The following IQGAP2 variants were observed in gnomAD, a reference collection of about 807,000 sequenced individuals.
The protein encoded by IQGAP2 is ras GTPase-activating-like protein IQGAP2.
IQGAP2 carries 173 observed loss-of-function variants against 201.3 expected under a neutral mutation model. That is an observed-to-expected ratio of 0.86 (90% confidence interval 0.76 to 0.98). The LOEUF (loss-of-function observed/expected upper bound fraction) is 0.98. Ranked by LOEUF, IQGAP2 falls within the 50% of genes least tolerant of loss-of-function variation. The pLI is 0.00. For missense variants in IQGAP2, 1,687 were observed against 1,864.8 expected (o/e 0.90, Z 1.76); for synonymous variants, 675 against 673.9 (o/e 1.00, Z -0.03).
At chr5:76,553,202 C>T (rs561814337) in intron 2 of IQGAP2, among the ~76,000 whole-genome samples, 1 of 152,030 alleles carries the variant, frequency 6.6e-6, no homozygotes, top group East Asian at 1.9e-4. Context: ...GATGCTTTTA[C>T]TGCCTGTTGA....
chr5:76,655,413 T>C (rs922641323), intron 20 of IQGAP2, among the ~76,000 whole-genome samples: 1 of 152,108 alleles, frequency 6.6e-6, no homozygotes, highest in Non-Finnish European at 1.5e-5. Context: ...TTCCTACAAT[T>C]TCATTTTGAA....
intron 19 of IQGAP2, 52 bp downstream of exon 19, chr5:76,654,323 A>G (rs1014565704): frequency 8.6e-7 from 1 of 1,159,912 alleles, no homozygotes; most frequent in Non-Finnish European, 1.3e-6. Flanking sequence ...ACCTAAATGA[A>G]TGCTTTATTG....
chr5:76,676,077 TCACACACACACACA>T (rs34099080), intron 27 of IQGAP2, among the ~76,000 whole-genome samples: 152 of 135,668 alleles, frequency 1.1e-3, no homozygotes, highest in African/African-American at 3.4e-3. Flanking sequence ...TAAGACTCTG[TCACACACACACACA>T]CACACACACA....
chr5:76,699,565 G>C (rs1268354371), intron 33 of IQGAP2: 1 of 143,894 alleles, frequency 6.9e-6, no homozygotes, highest in African/African-American at 2.6e-5. Context: ...GCTCCCACTA[G>C]TCCTGAATTT....
At chr5:76,678,166 C>T (rs1381153223) in intron 28 of IQGAP2, among the ~76,000 whole-genome samples, 2 of 152,048 alleles carry the variant, frequency 1.3e-5, no homozygotes, top group Non-Finnish European at 2.9e-5. Flanking sequence ...ACAGGCTACG[C>T]AACGAAAACA....
At chr5:76,540,171 G>C (rs1456528707) in intron 2 of IQGAP2, among the ~76,000 whole-genome samples, 1 of 152,182 alleles carries the variant, frequency 6.6e-6, no homozygotes, top group African/African-American at 2.4e-5. Context: ...TTGACTTGCT[G>C]CTTCCTCTTC....
intron 2 of IQGAP2, among the ~76,000 whole-genome samples, chr5:76,499,470 C>G (rs1757159524): frequency 1.3e-5 from 2 of 152,208 alleles, no homozygotes; most frequent in East Asian, 1.9e-4. Flanking sequence ...ATACCATCAC[C>G]TCCCTACTTG....
At chr5:76,651,182 T>C (rs1752489672) in intron 17 of IQGAP2, among the ~76,000 whole-genome samples, 1 of 152,192 alleles carries the variant, frequency 6.6e-6, no homozygotes, top group Non-Finnish European at 1.5e-5. Flanking sequence ...AGTTTTGACA[T>C]TTTTTATGGA....
intron 27 of IQGAP2, among the ~76,000 whole-genome samples, chr5:76,676,605 T>C (rs1280028272): frequency 6.6e-6 from 1 of 152,262 alleles, no homozygotes; most frequent in African/African-American, 2.4e-5. Context: ...CTGTCAAAAC[T>C]TGCTTTAGCT....
At chr5:76,703,526 A>G (rs1580868210) in intron 35 of IQGAP2, among the ~76,000 whole-genome samples, 1 of 152,060 alleles carries the variant, frequency 6.6e-6, no homozygotes, top group East Asian at 1.9e-4. Flanking sequence ...AATGAAAGGC[A>G]TTATGCAAAA....
chr5:76,606,421 C>T (rs571394654), intron 12 of IQGAP2, 118 bp downstream of exon 12: 119 of 672,256 alleles, frequency 1.8e-4, no homozygotes, highest in Admixed American at 1.1e-3. Context: ...GAGCAAACTC[C>T]GCTAATATGC....
rs1474351450 is a variant in IQGAP2, at chr5:76,631,915, AT to A, written c.1673del (p.Leu558CysfsTer4). The A allele has an allele frequency of 6.2e-7, 1 of 1,611,178 alleles. No homozygotes were observed. Among genetic ancestry groups the A allele is most frequent in the East Asian group, 2.2e-5 (1 of 44,754 alleles). ...QCLEGKKSSD[I>X]LSVLKSSTSN... is the part of the protein sequence containing the mutation. ...TTTGGAAGGAAAAAAATCAAGTGAT[AT>A]TTTGTCTGTATTGAAGTCTTCCACT... On this transcript the variant is annotated frameshift_variant, in exon 15 of 36. Coordinates refer to ENST00000274364, the MANE Select transcript of IQGAP2 (RefSeq NM_006633.5). LOFTEE classifies it high-confidence loss of function.
rs114988314 is a variant in IQGAP2 at position 76,597,271 on chromosome 5, A to G, written c.908-168A>G. The G allele has an allele frequency of 8.1e-4, 517 of 635,802 alleles. 3 individuals are homozygous for G. The African/African-American group carries it at 8.4e-3, about 10-fold the overall frequency. 39.4% of individuals were successfully genotyped at this position (635,802 alleles called of 1,614,324 possible). On this transcript the variant is annotated intron_variant, in intron 9 of 35. Coordinates refer to ENST00000274364, the MANE Select transcript of IQGAP2 (RefSeq NM_006633.5). Reference sequence around the variant, plus strand: ...TAATTCCAAAGATTGGATTAGTTTGAATTACTGAGATAACATTTTCAAAGC... The same window carrying G: ...TAATTCCAAAGATTGGATTAGTTTGGATTACTGAGATAACATTTTCAAAGC...
chr5:76,652,777 A>G lies in IQGAP2; in HGVS notation c.2122A>G (p.Lys708Glu). 6.2e-7 allele frequency: 1 copy of G among 1,611,530 alleles called. No homozygotes were observed. Among genetic ancestry groups the G allele is most frequent in the Non-Finnish European group, 8.5e-7 (1 of 1,177,562 alleles). The change falls in exon 18 of 36, where the codon AAG becomes GAG. Residue 708 changes from lysine to glutamate, a missense_variant. Physicochemically the swap from Lys to Glu is moderately conservative, Grantham distance 56. Transcript: ENST00000274364. Reference protein sequence around the residue: ...QAFWKGYKQRKEYMHRRQTFI... With the variant: ...QAFWKGYKQREEYMHRRQTFI... The stretch of plus-strand genomic sequence containing the variant: ...TTTTTGGAAAGGATATAAACAACGG[A>G]AGGAGTATATGCACAGGCGGCAAAC...
At chr5:76,534,355 C>T (rs10043064) in intron 2 of IQGAP2, among the ~76,000 whole-genome samples, 80,458 of 151,988 alleles carry the variant, frequency 0.53, 22,118 homozygotes, top group South Asian at 0.74. Context: ...AGAAAGCCCC[C>T]TGTAGGAGTG....
At position 76,588,980 on chromosome 5, in the gene IQGAP2, C is replaced by T. The variant is rs1433466906; in HGVS notation, c.526+7C>T. 1 of 1,582,354 alleles carries T rather than the reference C, an allele frequency of 6.3e-7. No individual in the cohort carries two copies. Among genetic ancestry groups the T allele is most frequent in the South Asian group, 1.1e-5 (1 of 90,088 alleles). ...GGCAAAGTAGACTTCACAGGTACTA[C>T]TCTTTATCTTTGTAATTTTTTACAA... On this transcript the variant is annotated splice_region_variant and intron_variant, in intron 6 of 35. Transcript: ENST00000274364.
chr5:76,561,791 A>G (rs1744389019), intron 2 of IQGAP2, among the ~76,000 whole-genome samples: 1 of 152,180 alleles, frequency 6.6e-6, no homozygotes, highest in Non-Finnish European at 1.5e-5. Context: ...TTCAGAACCC[A>G]TTAAGTACGG....
At chr5:76,661,129 T>C (rs1561562654) in intron 21 of IQGAP2, among the ~76,000 whole-genome samples, 2 of 152,118 alleles carry the variant, frequency 1.3e-5, no homozygotes, top group African/African-American at 2.4e-5. Context: ...TAACAATGAG[T>C]GTGTGTTTAG....
chr5:76,471,977 C>G (rs1232056519), intron 2 of IQGAP2, among the ~76,000 whole-genome samples: 1 of 152,226 alleles, frequency 6.6e-6, no homozygotes, highest in African/African-American at 2.4e-5. Context: ...CCTTCCCTCC[C>G]TTGTTCTCTC....
Sources: allele counts gnomAD v4.1 joint callset (sites outside exome capture counted in the v4.1 genomes callset), GRCh38; gene constraint gnomAD v4.1.1; transcripts MANE v1.5; gene names NCBI Gene and HGNC (gene_info 2026-07-23, HGNC 2026-07-21).